Variants in PHF24 observed in about 807,000 individuals in gnomAD.
The protein encoded by PHF24 is PHD finger protein 24.
Under a neutral mutation model 42.6 loss-of-function variants are expected in PHF24, and 25 were observed. That is an observed-to-expected ratio of 0.59 (90% CI 0.43 to 0.82). PHF24 has a LOEUF of 0.82. PHF24 is among the 40% of genes least tolerant of loss of function. The pLI, the probability that PHF24 is intolerant of heterozygous loss-of-function variation, is 0.00. For synonymous variants in PHF24, 185 were observed against 204.8 expected, an observed-to-expected ratio of 0.90 and a Z score of 0.83; for missense variants, 470 against 538.1, an observed-to-expected ratio of 0.87 and a Z score of 1.25.
the PHF24 span, among the ~76,000 whole-genome samples, chr9:34,760,142 C>A: frequency 6.6e-6 from 1 of 152,186 alleles, no homozygotes; most frequent in African/African-American, 2.4e-5. Context: ...CGCTGGAGGG[C>A]TGCACAACTA....
At chr9:34,830,243 A>G in the PHF24 span, among the ~76,000 whole-genome samples, 1 of 152,268 alleles carries the variant, frequency 6.6e-6, no homozygotes, top group Non-Finnish European at 1.5e-5. Flanking sequence ...TAAAAGTTAC[A>G]AAAACACTTG....
chr9:34,829,554 C>T, the PHF24 span, among the ~76,000 whole-genome samples: 1 of 152,152 alleles, frequency 6.6e-6, no homozygotes, highest in Non-Finnish European at 1.5e-5. Flanking sequence ...CTGGGATTCT[C>T]CTGACCAGCT....
At chr9:34,871,948 C>T in the PHF24 span, among the ~76,000 whole-genome samples, 1 of 152,112 alleles carries the variant, frequency 6.6e-6, no homozygotes, top group Non-Finnish European at 1.5e-5. Flanking sequence ...GGGATTGCAT[C>T]AAAGCTGTAG....
the PHF24 span, among the ~76,000 whole-genome samples, chr9:34,828,679 T>C: frequency 6.6e-6 from 1 of 152,198 alleles, no homozygotes; most frequent in African/African-American, 2.4e-5. Context: ...CTTGACTAGT[T>C]GGCAACTGGT....
At chr9:34,699,766 C>T in the PHF24 span, among the ~76,000 whole-genome samples, 4 of 152,192 alleles carry the variant, frequency 2.6e-5, no homozygotes, top group Admixed American at 1.3e-4. Context: ...TGCCAGACAC[C>T]GTTCTTGGCA....
the PHF24 span, among the ~76,000 whole-genome samples, chr9:34,713,956 T>C: frequency 6.6e-6 from 1 of 151,864 alleles, no homozygotes; most frequent in Non-Finnish European, 1.5e-5. Flanking sequence ...GACAGAAATA[T>C]TGGGTTGCTC....
At chr9:34,837,366 G>A in the PHF24 span, 2 of 385,468 alleles carry the variant, frequency 5.2e-6, no homozygotes, top group African/African-American at 2.1e-5. Context: ...CCATGTTATG[G>A]CAAACAAGAC....
At chr9:34,977,780 G>T in intron 7 of PHF24, 139 bp downstream of exon 7, 1 of 808,316 alleles carries the variant, frequency 1.2e-6, no homozygotes, top group South Asian at 1.7e-5. Flanking sequence ...GTGCACATTT[G>T]ACCCAAGTCT....
At chr9:34,847,122 TC>T in the PHF24 span, among the ~76,000 whole-genome samples, 1 of 152,220 alleles carries the variant, frequency 6.6e-6, no homozygotes, top group South Asian at 2.1e-4. Flanking sequence ...AGTAGTTTTT[TC>T]CAGTTCTGTG....
chr9:34,790,139 AC>A, the PHF24 span, among the ~76,000 whole-genome samples: 9 of 152,200 alleles, frequency 5.9e-5, no homozygotes, highest in Non-Finnish European at 1.0e-4. Context: ...GAGCCATTGC[AC>A]CCAGCCAAGA....
chr9:34,714,136 A>G, the PHF24 span, among the ~76,000 whole-genome samples: 7 of 152,188 alleles, frequency 4.6e-5, no homozygotes, highest in Non-Finnish European at 1.0e-4. Flanking sequence ...CAGACTCAAG[A>G]GACCTTAAGG....
At chr9:34,897,039 C>A in the PHF24 span, among the ~76,000 whole-genome samples, 1 of 152,030 alleles carries the variant, frequency 6.6e-6, no homozygotes. Context: ...ACCTGTAATC[C>A]CAGCTACTCA....
chr9:34,936,656 G>A, the PHF24 span, among the ~76,000 whole-genome samples: 3 of 151,624 alleles, frequency 2.0e-5, no homozygotes, highest in East Asian at 5.8e-4. Flanking sequence ...TCCCATCTAG[G>A]AAGTGAGGAG....
At chr9:34,783,665 T>C in the PHF24 span, among the ~76,000 whole-genome samples, 1 of 152,248 alleles carries the variant, frequency 6.6e-6, no homozygotes, top group Admixed American at 6.5e-5. Context: ...TTCTTATCAA[T>C]AAGTTGTTCT....
the PHF24 span, among the ~76,000 whole-genome samples, chr9:34,761,467 T>C: frequency 6.6e-6 from 1 of 152,162 alleles, no homozygotes; most frequent in East Asian, 1.9e-4. Context: ...GATAAATAAA[T>C]GGATAAATAC....
the PHF24 span, among the ~76,000 whole-genome samples, chr9:34,883,136 G>C: frequency 2.0e-5 from 3 of 152,286 alleles, no homozygotes; most frequent in Admixed American, 2.0e-4. Context: ...TTTAATAGAT[G>C]GTGCTGGGAA....
the PHF24 span, among the ~76,000 whole-genome samples, chr9:34,743,833 T>G: frequency 6.6e-6 from 1 of 152,138 alleles, no homozygotes; most frequent in Non-Finnish European, 1.5e-5. Context: ...GAACAGAGAT[T>G]TATTCAGTTC....
the PHF24 span, among the ~76,000 whole-genome samples, chr9:34,667,051 C>A: frequency 6.6e-6 from 1 of 152,178 alleles, no homozygotes; most frequent in Non-Finnish European, 1.5e-5. Flanking sequence ...GAGATTCTTA[C>A]TATAAATGGA....
the PHF24 span, among the ~76,000 whole-genome samples, chr9:34,798,178 AAG>A: frequency 1.3e-5 from 2 of 151,688 alleles, no homozygotes; most frequent in Admixed American, 1.3e-4. Context: ...ACACATGAAA[AAG>A]AGTCAATTTT....
Sources: gnomAD v4.1 joint callset for allele counts (sites outside exome capture counted in the v4.1 genomes callset) on GRCh38, gnomAD v4.1.1 for gene constraint, MANE v1.5 for transcripts, NCBI Gene and HGNC (gene_info 2026-07-23, HGNC 2026-07-21) for gene names.